CACNA1C: variants seen among roughly 807,000 people sequenced by gnomAD.
CACNA1C encodes the protein calcium voltage-gated channel subunit alpha1 C.
A neutral mutation model predicts 229.0 loss-of-function variants in CACNA1C; 30 were observed. The observed-to-expected ratio is 0.13, with a 90% CI of 0.10 to 0.18. The LOEUF is 0.18. CACNA1C is among the 10% of genes least tolerant of loss of function. The pLI, the probability that CACNA1C is intolerant of heterozygous loss-of-function variation, is 1.00. For missense variants in CACNA1C, 1,658 were observed against 2,845.0 expected (o/e 0.58, Z 9.49); for synonymous variants, 1,114 against 1,132.5 (o/e 0.98, Z 0.33).
intron 3 of CACNA1C, among the ~76,000 whole-genome samples, chr12:2,186,657 A>G (rs1800965934): frequency 6.6e-6 from 1 of 152,200 alleles, no homozygotes; most frequent in Non-Finnish European, 1.5e-5. Flanking sequence ...ACGTTTCCAT[A>G]GCACAATGGA....
chr12:2,656,869 A>G (rs1221247310), intron 34 of CACNA1C, among the ~76,000 whole-genome samples: 1 of 152,228 alleles, frequency 6.6e-6, no homozygotes, highest in African/African-American at 2.4e-5. Context: ...GCCAAAGAGG[A>G]AAAAGGGAAT....
At chr12:2,265,712 G>A (rs898634663) in intron 3 of CACNA1C, among the ~76,000 whole-genome samples, 1 of 152,230 alleles carries the variant, frequency 6.6e-6, no homozygotes, top group East Asian at 1.9e-4. Flanking sequence ...GTGCCTGGTA[G>A]CAAGGATGAA....
At position 2,512,978 on chromosome 12, in the gene CACNA1C, C is replaced by G. The variant is rs761430418; in HGVS notation, c.1384C>G (p.Arg462Gly). The G allele has an allele frequency of 4.4e-6, 7 of 1,600,198 alleles. No individual in the cohort carries two copies. Among genetic ancestry groups the G allele is most frequent in the Non-Finnish European group, 4.3e-6 (5 of 1,173,380 alleles). Residue 462 changes from arginine (R) to glycine (G), a missense_variant, in exon 9 of 47, where the codon CGA (arginine) becomes GGA (glycine). Arg to Gly is a moderately radical substitution (Grantham distance 125). Coordinates refer to ENST00000399655, the MANE Select transcript of CACNA1C (RefSeq NM_000719.7). This position sits in a 1 kb window ranked among gnomAD's most constrained non-coding sequence, Gnocchi z 4.3. ...EDEGMDEEKP[R>G]NMSMPTSETE... ...CGAAGGCATGGATGAGGAGAAGCCC[C>G]GAAACAGTGAGCAGCCGTCTTCTTC...
At chr12:2,158,143 G>A (rs1482872892) in intron 3 of CACNA1C, among the ~76,000 whole-genome samples, 3 of 152,294 alleles carry the variant, frequency 2.0e-5, no homozygotes, top group African/African-American at 7.2e-5. Context: ...CAATGAGACA[G>A]TTCTAGTACA....
At chr12:2,221,996 A>G (rs541980272) in intron 3 of CACNA1C, among the ~76,000 whole-genome samples, 51 of 152,370 alleles carry the variant, frequency 3.3e-4, no homozygotes, top group African/African-American at 1.2e-3. Context: ...TACATCTCAT[A>G]TGAGTGTAGA....
intron 3 of CACNA1C, among the ~76,000 whole-genome samples, chr12:2,439,196 C>T (rs948807081): frequency 6.6e-6 from 1 of 152,194 alleles, no homozygotes; most frequent in African/African-American, 2.4e-5. Context: ...GGAGAAGGGG[C>T]TTCTGCCCTG....
intron 8 of CACNA1C, among the ~76,000 whole-genome samples, chr12:2,507,312 C>T (rs1458785072): frequency 1.7e-4 from 26 of 152,070 alleles, no homozygotes; most frequent in Non-Finnish European, 1.5e-5. Flanking sequence ...TGGGCGAGCA[C>T]CTCCCCTTTC....
intron 3 of CACNA1C, among the ~76,000 whole-genome samples, chr12:2,302,964 G>A (rs934643466): frequency 2.0e-5 from 3 of 152,196 alleles, no homozygotes; most frequent in African/African-American, 2.4e-5. Flanking sequence ...GCCCCGGGAG[G>A]GGGGCCTGGT....
intron 42 of CACNA1C, among the ~76,000 whole-genome samples, chr12:2,681,311 C>T (rs1421064726): frequency 1.3e-5 from 2 of 152,196 alleles, no homozygotes; most frequent in African/African-American, 2.4e-5. Flanking sequence ...GCAAAGCACC[C>T]GGCACAGTGC....
chr12:2,172,319 G>A (rs1222855056), intron 3 of CACNA1C, among the ~76,000 whole-genome samples: 1 of 152,212 alleles, frequency 6.6e-6, no homozygotes, highest in African/African-American at 2.4e-5. Flanking sequence ...CTATCCTGCT[G>A]TAATGTCAGT....
chr12:2,500,176 A>G (rs1413963946), intron 7 of CACNA1C, among the ~76,000 whole-genome samples: 2 of 152,064 alleles, frequency 1.3e-5, no homozygotes, highest in African/African-American at 2.4e-5. Flanking sequence ...AACCTCTAAA[A>G]AACCAGCCCA....
intron 13 of CACNA1C, among the ~76,000 whole-genome samples, chr12:2,570,743 G>A (rs776627525): frequency 6.6e-5 from 10 of 152,128 alleles, no homozygotes; most frequent in Non-Finnish European, 1.3e-4. Flanking sequence ...ATAATGAGCT[G>A]GCAAAGTGTG....
At chr12:1,994,384 T>C (rs768625497) in intron 1 of CACNA1C, among the ~76,000 whole-genome samples, 3 of 152,240 alleles carry the variant, frequency 2.0e-5, no homozygotes, top group Non-Finnish European at 4.4e-5. Flanking sequence ...TTGATACTGA[T>C]CAAGGAACAC....
chr12:2,180,294 G>C (rs977685010), intron 3 of CACNA1C, among the ~76,000 whole-genome samples: 7 of 152,230 alleles, frequency 4.6e-5, no homozygotes, highest in African/African-American at 1.4e-4. Flanking sequence ...CCAAAGGGGT[G>C]GTGGGGAAAG....
chr12:2,475,537 A>C (rs928799008), intron 5 of CACNA1C, among the ~76,000 whole-genome samples: 1 of 152,236 alleles, frequency 6.6e-6, no homozygotes, highest in East Asian at 1.9e-4. Context: ...GATATGGAAA[A>C]GAACCAAATG....
At chr12:2,205,822 G>A (rs959023732) in intron 3 of CACNA1C, among the ~76,000 whole-genome samples, 5 of 152,152 alleles carry the variant, frequency 3.3e-5, no homozygotes, top group African/African-American at 1.2e-4. Context: ...CAGCAGATTT[G>A]GTGTCTGGTG....
chr12:2,597,892 C>T lies in CACNA1C; in HGVS notation c.2853+603C>T, dbSNP rs1394570352. 4.6e-5 allele frequency among the ~76,000 whole-genome samples: 7 copies of T among 152,230 alleles called. No individual in the cohort carries two copies. The highest frequency in any genetic ancestry group is 8.8e-5 in the Non-Finnish European group (6 of 68,046). Reference sequence around the variant, plus strand: ...GGACTCTCCTTCCCTCCTCCTGCTTCATACACTCTGAAAGTGGGAAACCTC... The same window carrying T: ...GGACTCTCCTTCCCTCCTCCTGCTTTATACACTCTGAAAGTGGGAAACCTC... On this transcript the variant is annotated intron_variant, in intron 21 of 46. Coordinates refer to ENST00000399655, the MANE Select transcript of CACNA1C (RefSeq NM_000719.7). The surrounding 1 kb of genome is among the most constrained non-coding windows in gnomAD (Gnocchi z 4.3).
intron 39 of CACNA1C, chr12:2,676,747 G>T: frequency 5.5e-6 from 1 of 181,422 alleles, no homozygotes. Flanking sequence ...AAAAAAGCGG[G>T]AAATAATTTT....
intron 1 of CACNA1C, among the ~76,000 whole-genome samples, chr12:2,092,408 G>A (rs1483231060): frequency 3.3e-5 from 5 of 152,188 alleles, no homozygotes; most frequent in Non-Finnish European, 5.9e-5. Context: ...GTGTCTCCTT[G>A]TGGCTTGGAT....
Sources: allele counts gnomAD v4.1 joint callset (sites outside exome capture counted in the v4.1 genomes callset), GRCh38; gene constraint gnomAD v4.1.1; non-coding constraint Gnocchi (gnomAD v3.1); transcripts MANE v1.5; gene names NCBI Gene and HGNC (gene_info 2026-07-23, HGNC 2026-07-21).